ADGRV1: variants seen among roughly 807,000 people sequenced by gnomAD.
The protein encoded by ADGRV1 is adhesion G protein-coupled receptor V1.
Under a neutral mutation model 596.2 loss-of-function variants are expected in ADGRV1, and 359 were observed. The observed-to-expected ratio is 0.60, with a 90% CI of 0.55 to 0.66. The LOEUF (loss-of-function observed/expected upper bound fraction) is 0.66, where lower values mean the gene tolerates loss of function less well. ADGRV1 is among the 30% of genes least tolerant of loss of function. The pLI, the probability that ADGRV1 is intolerant of heterozygous loss-of-function variation, is 0.00. For synonymous variants in ADGRV1, 2,681 were observed against 2,679.2 expected, an observed-to-expected ratio of 1.00 and a Z score of -0.02; for missense variants, 7,274 against 7,575.6, an observed-to-expected ratio of 0.96 and a Z score of 1.48.
At chr5:90,593,810 T>C (rs1266470243) in intron 1 of ADGRV1, among the ~76,000 whole-genome samples, 3 of 152,162 alleles carry the variant, frequency 2.0e-5, no homozygotes, top group African/African-American at 7.2e-5. Flanking sequence ...GAGTTTTTTT[T>C]TGGTACAAGC....
At chr5:90,802,704 A>G in intron 70 of ADGRV1, 35 bp from the exon 71 acceptor site, 1 of 1,588,310 alleles carries the variant, frequency 6.3e-7, no homozygotes, top group Non-Finnish European at 8.6e-7. Flanking sequence ...TTCTCTGAAA[A>G]TTATTTCTAA....
chr5:91,030,904 G>T, intron 85 of ADGRV1: 1 of 577,298 alleles, frequency 1.7e-6, no homozygotes, highest in Non-Finnish European at 2.9e-6. Context: ...CCTGAGATCT[G>T]TGAAGAAACT....
chr5:90,720,000 AC>A (rs771737181), intron 43 of ADGRV1, 47 bp from the exon 44 acceptor site: 1 of 1,482,936 alleles, frequency 6.7e-7, no homozygotes. Flanking sequence ...TATATGTGTT[AC>A]AAAAATACTG....
chr5:91,082,249 T>C (rs1307493040), intron 86 of ADGRV1, among the ~76,000 whole-genome samples: 3 of 152,252 alleles, frequency 2.0e-5, no homozygotes, highest in Non-Finnish European at 4.4e-5. Context: ...ATCAGTTTTG[T>C]ATTCAGGCTA....
At chr5:90,871,789 T>C (rs898203504) in intron 83 of ADGRV1, among the ~76,000 whole-genome samples, 3 of 152,180 alleles carry the variant, frequency 2.0e-5, no homozygotes, top group African/African-American at 7.2e-5. Flanking sequence ...GTAACAGATA[T>C]GGAGCGTAGG....
rs1377197720 is a variant in ADGRV1, at chr5:90,725,208, C to G, written c.10029C>G (p.Phe3343Leu). ...CTTCTCTTAACAGTGTGTTTACATT[C>G]ACATCTGGATTTAAATTATTCCTGG... is the stretch of plus-strand genomic sequence containing the variant. Reference protein sequence around the residue: ...EKPSLNSVFTFTSGFKLFLVQ... With the variant: ...EKPSLNSVFTLTSGFKLFLVQ... Residue 3343 changes from phenylalanine to leucine, a missense_variant, in exon 47 of 90, where the codon TTC becomes TTG. Physicochemically the swap from Phe to Leu is conservative, Grantham distance 22. Transcript: ENST00000405460. 1 of 1,491,100 alleles carries G rather than the reference C, an allele frequency of 6.7e-7. No homozygotes were observed. Among genetic ancestry groups the G allele is most frequent in the Non-Finnish European group, 9.0e-7 (1 of 1,109,250 alleles). 92.4% of individuals were successfully genotyped at this position (1,491,100 alleles called of 1,614,324 possible). A position where few individuals can be genotyped will look rare whatever the true frequency, so the allele number is the denominator to read the frequency against.
At chr5:90,860,708 A>T (rs771127543) in intron 82 of ADGRV1, among the ~76,000 whole-genome samples, 7 of 149,376 alleles carry the variant, frequency 4.7e-5, no homozygotes, top group Non-Finnish European at 7.4e-5. Context: ...AATCTAATAC[A>T]TTAGGTGGTA....
At chr5:90,679,704 C>A in intron 26 of ADGRV1, 75 bp downstream of exon 26, 1 of 878,556 alleles carries the variant, frequency 1.1e-6, no homozygotes. Context: ...CAATACTAAC[C>A]ACTTATTGAC....
intron 85 of ADGRV1, among the ~76,000 whole-genome samples, chr5:90,987,237 T>A (rs1780567848): frequency 1.3e-5 from 2 of 152,070 alleles, no homozygotes; most frequent in Admixed American, 1.3e-4. Flanking sequence ...TCCCAGCACT[T>A]TGGGAGGCGG....
intron 4 of ADGRV1, among the ~76,000 whole-genome samples, 153 bp from the exon 5 acceptor site, chr5:90,622,442 CTA>C (rs1423194177): frequency 6.6e-6 from 1 of 152,158 alleles, no homozygotes; most frequent in East Asian, 1.9e-4. Flanking sequence ...CATTTTAAAG[CTA>C]TAGTTCATTG....
chr5:91,143,017 A>G (rs1396402726), intron 87 of ADGRV1, among the ~76,000 whole-genome samples: 5 of 152,162 alleles, frequency 3.3e-5, no homozygotes, highest in Non-Finnish European at 7.4e-5. Context: ...GGGTGTGTGA[A>G]TGAGCAAGTA....
intron 74 of ADGRV1, among the ~76,000 whole-genome samples, chr5:90,814,054 A>T (rs1241589522): frequency 6.6e-6 from 1 of 152,208 alleles, no homozygotes; most frequent in Non-Finnish European, 1.5e-5. Flanking sequence ...CTTGTAATCT[A>T]CTTGAAGAGC....
Position 90,685,989 on chromosome 5 carries a change from A to G in ADGRV1, c.6484A>G (p.Ile2162Val), listed in dbSNP as rs938400709. 1.9e-6 allele frequency: 3 copies of G among 1,573,134 alleles called. No homozygotes were observed. Among genetic ancestry groups the G allele is most frequent in the East Asian group, 2.3e-5 (1 of 43,946 alleles). Reference protein sequence around the residue: ...VKFKAVPITAIAGEDYSIASS... With the variant: ...VKFKAVPITAVAGEDYSIASS... ...GTTTAAAGCTGTGCCAATAACTGCA[A>G]TAGCTGGTAAGAAAAGACATCTAAA... Residue 2162 changes from isoleucine to valine, a missense_variant, in exon 29 of 90, where the codon ATA becomes GTA. Physicochemically the swap from Ile to Val is conservative, Grantham distance 29 (BLOSUM62 3). Around this residue, in one of 5 missense-constraint regions of ADGRV1, gnomAD observed 3,643 missense variants for 3,809.2 expected, o/e 0.96. Coordinates refer to ENST00000405460, the MANE Select transcript of ADGRV1 (RefSeq NM_032119.4).
intron 85 of ADGRV1, among the ~76,000 whole-genome samples, chr5:91,016,311 A>C (rs1327899142): frequency 6.6e-6 from 1 of 151,978 alleles, no homozygotes; most frequent in Non-Finnish European, 1.5e-5. Context: ...AGAAATTACC[A>C]GACCCTGGAG....
Position 90,829,754 on chromosome 5 carries a change from A to G in ADGRV1, c.16611+568A>G, listed in dbSNP as rs187600369. 6.0e-4 allele frequency among the ~76,000 whole-genome samples: 91 copies of G among 152,268 alleles called. 2 individuals are homozygous for G. The highest frequency in any genetic ancestry group is 6.0e-3 in the Admixed American group (91 of 15,280). ...CCAGACCGTGGGCTTGGCCCCAACA[A>G]TACCATATACCTTTCAGCCTTATTT... On this transcript the variant is annotated intron_variant, in intron 77 of 89. Transcript: ENST00000405460.
chr5:91,126,056 A>C (rs977356153), intron 87 of ADGRV1, among the ~76,000 whole-genome samples: 2 of 152,224 alleles, frequency 1.3e-5, no homozygotes, highest in African/African-American at 4.8e-5. Context: ...ATTGCATTCC[A>C]TATTTTCACT....
At chr5:90,971,276 G>T (rs1174226141) in intron 84 of ADGRV1, among the ~76,000 whole-genome samples, 4 of 152,176 alleles carry the variant, frequency 2.6e-5, no homozygotes, top group Non-Finnish European at 1.5e-5. Context: ...AAAACACTTT[G>T]CAGGATATTA....
At chr5:90,686,088 AT>A in intron 29 of ADGRV1, 93 bp downstream of exon 29, 1 of 675,194 alleles carries the variant, frequency 1.5e-6, no homozygotes. Flanking sequence ...CAAAGTTGCA[AT>A]TAGGATAATC....
rs1425463035 is a variant in ADGRV1, at chr5:90,811,297, A to G, written c.16037A>G (p.Asp5346Gly). Residue 5346 changes from aspartate to glycine, a missense_variant, in exon 74 of 90, where the codon GAT becomes GGT. Coordinates refer to ENST00000405460, the MANE Select transcript of ADGRV1 (RefSeq NM_032119.4). ...GGAGCACAGATTGTGGAGGAGAAGGATGATACTGGATTTGCAGCTTTTGCC... is the reference window on the plus strand; with the variant it reads ...GGAGCACAGATTGTGGAGGAGAAGGGTGATACTGGATTTGCAGCTTTTGCC... ...QGGAQIVEEK[D>G]DTGFAAFAMV... The G allele has an allele frequency of 8.1e-6, 13 of 1,610,198 alleles. No individual in the cohort carries two copies. Among genetic ancestry groups the G allele is most frequent in the Non-Finnish European group, 9.3e-6 (11 of 1,178,268 alleles).
Sources: gnomAD v4.1 joint callset for allele counts (sites outside exome capture counted in the v4.1 genomes callset) on GRCh38, gnomAD v4.1.1 for gene constraint, gnomAD v4.1.1 regional missense constraint, MANE v1.5 for transcripts, NCBI Gene and HGNC (gene_info 2026-07-23, HGNC 2026-07-21) for gene names.